Variants in UBXN1 observed in about 807,000 individuals in gnomAD.
UBXN1 encodes UBX domain-containing protein 1.
Under a neutral mutation model 42.0 loss-of-function variants are expected in UBXN1, and 21 were observed. The observed-to-expected ratio is 0.50, with a 90% confidence interval of 0.35 to 0.72. The LOEUF is 0.72. UBXN1 is among the 30% of genes least tolerant of loss of function. The pLI is 0.00. For missense variants in UBXN1, 374 were observed against 382.2 expected, an observed-to-expected ratio of 0.98 and a Z score of 0.18; for synonymous variants, 172 against 142.6, an observed-to-expected ratio of 1.21 and a Z score of -1.47.
chr11:62,677,042 C>A (rs759938708), intron 7 of UBXN1, 37 bp from the exon 8 acceptor site: 1 of 1,578,212 alleles, frequency 6.3e-7, no homozygotes, highest in Admixed American at 1.7e-5. Context: ...TTGTGGGCAT[C>A]AAAACTGAAT....
rs1395107280 is a variant in UBXN1 at position 62,677,691 on chromosome 11, A to G, written c.535-57T>C. 44 of 1,612,944 alleles carry G rather than the reference A, an allele frequency of 2.7e-5. No individual in the cohort carries two copies. In the South Asian group the frequency reaches 4.6e-4, roughly 17 times the overall value. On this transcript the variant is annotated intron_variant, in intron 6 of 8. Coordinates refer to ENST00000301935, the MANE Select transcript of UBXN1 (RefSeq NM_001286077.2). ...ACTCACCCATCCTCAGGTGAAACAG[A>G]TCATATAAGCCCATGCTTTCCCTCT...
rs373339711 is a variant in UBXN1 at position 62,678,376 on chromosome 11, C to T, written c.253G>A (p.Ala85Thr). The T allele has an allele frequency of 7.4e-6, 12 of 1,614,014 alleles. No individual in the cohort carries two copies. The African/African-American group carries it at 1.5e-4, about 20-fold the overall frequency. The change falls in exon 4 of 9, where the codon GCT becomes ACT. Residue 85 changes from alanine to threonine, a missense_variant. Ala to Thr is a moderately conservative substitution (Grantham distance 58). Coordinates refer to ENST00000301935, the MANE Select transcript of UBXN1 (RefSeq NM_001286077.2). ...SGSAAGEGKP[A>T]LSEEERQEQT... ...TCCTGTCTTTCCTCTTCACTCAAAG[C>T]GGGTTTGCCTTCTCCGGCAGCAGAA...
In UBXN1 at chr11:62,677,781, CT is replaced by C; in HGVS notation, c.533del (p.Lys178SerfsTer49). 1 of 1,614,242 alleles carries C rather than the reference CT, an allele frequency of 6.2e-7. No homozygotes were observed. Among genetic ancestry groups the C allele is most frequent in the Non-Finnish European group, 8.5e-7 (1 of 1,180,048 alleles). ...IERDKAERAK[K>X]YGGSVGSQPP... is the part of the protein sequence containing the mutation. ...CCGTGGCGTCTTCTCAGTCACCTAC[CT>C]TCTTGGCTCTCTCTGCTTTGTCCCT... On this transcript the variant is annotated frameshift_variant and splice_region_variant, in exon 6 of 9. Transcript: ENST00000301935. LOFTEE classifies it high-confidence loss of function.
rs1327990979 is a variant in UBXN1, at chr11:62,678,485, C to G, written c.220+10G>C. 3 of 1,612,508 alleles carry G rather than the reference C, an allele frequency of 1.9e-6. No homozygotes were observed. The highest frequency in any genetic ancestry group is 2.5e-6 in the Non-Finnish European group (3 of 1,179,512). ...CCTGAATAATCACACCGTGGACCCT[C>G]AGTCAGGACCTTCAAGGCCGCCTTG... On this transcript the variant is annotated intron_variant, in intron 3 of 8. Coordinates refer to ENST00000301935, the MANE Select transcript of UBXN1 (RefSeq NM_001286077.2).
chr11:62,678,792 C>A, intron 1 of UBXN1, 49 bp from the exon 2 acceptor site: 2 of 1,612,162 alleles, frequency 1.2e-6, no homozygotes, highest in Non-Finnish European at 1.7e-6. Flanking sequence ...TGGTGACGGT[C>A]AGGCTGGGGC....
intron 7 of UBXN1, 132 bp from the exon 8 acceptor site, chr11:62,677,137 A>G (rs1945033171): frequency 1.9e-6 from 2 of 1,025,646 alleles, no homozygotes; most frequent in Non-Finnish European, 2.8e-6. Flanking sequence ...AAAGCACCAA[A>G]TGAACAGCCA....
At chr11:62,678,276 C>T (rs752203326) in intron 4 of UBXN1, 63 bp downstream of exon 4, 1 of 1,611,400 alleles carries the variant, frequency 6.2e-7, no homozygotes, top group African/African-American at 1.3e-5. Flanking sequence ...GTTCTTTGAC[C>T]AGACGTGTAC....
Position 62,678,564 on chromosome 11 carries a change from G to A in UBXN1, c.151C>T (p.Pro51Ser), listed in dbSNP as rs1362872572. 1.2e-6 allele frequency: 2 copies of A among 1,611,722 alleles called. No homozygotes were observed. Among genetic ancestry groups the A allele is most frequent in the African/African-American group, 2.7e-5 (2 of 74,874 alleles). The stretch of plus-strand genomic sequence containing the variant: ...ATATGTCCAAGGGGAGTCTCTAAAG[G>A]CTCGTCCACATCGGGGTCGTCTTCG... ...EHEDDPDVDE[P>S]LETPLGHILG... Residue 51 changes from proline to serine, a missense_variant, in exon 3 of 9, where the codon CCT becomes TCT. Coordinates refer to ENST00000301935, the MANE Select transcript of UBXN1 (RefSeq NM_001286077.2).
intron 7 of UBXN1, chr11:62,677,240 A>G: frequency 1.6e-6 from 1 of 618,846 alleles, no homozygotes; most frequent in Non-Finnish European, 2.8e-6. Flanking sequence ...AAGAATCTGG[A>G]TAAATACCAC....
In UBXN1 at chr11:62,676,798, G is replaced by A. The variant is rs773608085; in HGVS notation, c.844+15C>T. The A allele has an allele frequency of 1.2e-6, 2 of 1,613,964 alleles. No individual in the cohort carries two copies. The highest frequency in any genetic ancestry group is 1.7e-6 in the Non-Finnish European group (2 of 1,180,034). ...CCCCAGTTTCTAGTCCTGGTTTCTA[G>A]TCTTGCAGCCATACCCAGCTCCTGC... On this transcript the variant is annotated intron_variant, in intron 8 of 8. Transcript: ENST00000301935.
chr11:62,677,858 G>C, intron 5 of UBXN1, 26 bp from the exon 6 acceptor site: 3 of 1,614,162 alleles, frequency 1.9e-6, no homozygotes, highest in Non-Finnish European at 2.5e-6. Flanking sequence ...GAAGAAATTA[G>C]GTCAGACATC....
intron 5 of UBXN1, 35 bp from the exon 6 acceptor site, chr11:62,677,867 T>C: frequency 6.2e-7 from 1 of 1,614,218 alleles, no homozygotes; most frequent in African/African-American, 1.3e-5. Context: ...AGGTCAGACA[T>C]CAACAAAGCA....
chr11:62,679,004 C>G lies in UBXN1; in HGVS notation c.-81G>C. 6.9e-7 allele frequency: 1 copy of G among 1,459,658 alleles called. No individual in the cohort carries two copies. The highest frequency in any genetic ancestry group is 9.2e-7 in the Non-Finnish European group (1 of 1,089,710). The allele number at this position is 1,459,658 out of a possible 1,614,324, so 90.4% of individuals were successfully genotyped here. On this transcript the variant is annotated 5_prime_UTR_variant, in exon 1 of 9. Transcript: ENST00000301935. ...GAAGGGTCAGCGCGAGGCAACCCGC[C>G]CTCGACACCCGCCGACGGGCGCTCG...
Position 62,678,996 on chromosome 11 carries a change from C to A in UBXN1, c.-73G>T, listed in dbSNP as rs950184710. The A allele has an allele frequency of 3.3e-6, 5 of 1,497,856 alleles. No individual in the cohort carries two copies. The highest frequency in any genetic ancestry group is 1.4e-5 in the African/African-American group (1 of 71,988). The allele number at this position is 1,497,856 out of a possible 1,614,324, so 92.8% of individuals were successfully genotyped here. ...GAGGGCGGGAAGGGTCAGCGCGAGG[C>A]AACCCGCCCTCGACACCCGCCGACG... On this transcript the variant is annotated 5_prime_UTR_variant, in exon 1 of 9. Transcript: ENST00000301935.
chr11:62,678,483 C>T lies in UBXN1; in HGVS notation c.220+12G>A. 1 of 1,612,874 alleles carries T rather than the reference C, an allele frequency of 6.2e-7. No homozygotes were observed. Among genetic ancestry groups the T allele is most frequent in the South Asian group, 1.1e-5 (1 of 91,038 alleles). On this transcript the variant is annotated intron_variant, in intron 3 of 8. Transcript: ENST00000301935. Reference sequence around the variant, plus strand: ...CTCCTGAATAATCACACCGTGGACCCTCAGTCAGGACCTTCAAGGCCGCCT... The same window carrying T: ...CTCCTGAATAATCACACCGTGGACCTTCAGTCAGGACCTTCAAGGCCGCCT...
rs777152521 is a variant in UBXN1 at position 62,678,301 on chromosome 11, AG to A, written c.290+37del. The A allele has an allele frequency of 4.1e-4, 662 of 1,613,896 alleles. 2 individuals are homozygous for A. The highest frequency in any genetic ancestry group is 5.5e-4 in the Non-Finnish European group (646 of 1,179,760). On this transcript the variant is annotated intron_variant, in intron 4 of 8. Coordinates refer to ENST00000301935, the MANE Select transcript of UBXN1 (RefSeq NM_001286077.2). ...CAGACGTGTACTGGGGAGAGATGGA[AG>A]ACGACCCTCAGACACGTGAGATTGT...
At chr11:62,678,305 G>T (rs749384873) in intron 4 of UBXN1, 34 bp downstream of exon 4, 1 of 1,613,560 alleles carries the variant, frequency 6.2e-7, no homozygotes, top group African/African-American at 1.3e-5. Flanking sequence ...GATGGAAGAC[G>T]ACCCTCAGAC....
rs781177177 is a variant in UBXN1 at position 62,676,729 on chromosome 11, C to T, written c.844+84G>A. On this transcript the variant is annotated intron_variant, in intron 8 of 8. Transcript: ENST00000301935. Reference sequence around the variant, plus strand: ...GCCTTGCACCATGTTCACAAAGCCCCTTCTCTTTGCATCCCTCCTTTTCCT... The same window carrying T: ...GCCTTGCACCATGTTCACAAAGCCCTTTCTCTTTGCATCCCTCCTTTTCCT... The T allele has an allele frequency of 5.0e-6, 8 of 1,614,104 alleles. No homozygotes were observed. Among genetic ancestry groups the T allele is most frequent in the Middle Eastern group, 1.6e-4 (1 of 6,062 alleles).
chr11:62,677,929 GGCT>G lies in UBXN1; in HGVS notation c.477_479del (p.Ala160del). On this transcript the variant is annotated inframe_deletion, in exon 5 of 9. Transcript: ENST00000301935. ...TCCATCATTTCCCCTGCCCAGACCT[GGCT>G]GCTAACTCCTCGGCCTTTTCCCTCC... 1.9e-6 allele frequency: 3 copies of G among 1,613,866 alleles called. No homozygotes were observed. Among genetic ancestry groups the G allele is most frequent in the Non-Finnish European group, 2.5e-6 (3 of 1,179,764 alleles).
Sources: gnomAD v4.1 joint callset for allele counts on GRCh38, gnomAD v4.1.1 for gene constraint, MANE v1.5 for transcripts, NCBI Gene and HGNC (gene_info 2026-07-23, HGNC 2026-07-21) for gene names.